Variants in TLN2 observed in about 807,000 individuals in gnomAD.
The protein encoded by TLN2 is talin 2.
In TLN2, 118 loss-of-function variants were observed where a neutral mutation model predicts 294.7. That is an observed-to-expected ratio of 0.40 (90% CI 0.34 to 0.47). TLN2 has a LOEUF of 0.47. TLN2 is among the 20% of genes least tolerant of loss of function. The pLI is 0.84. For synonymous variants in TLN2, 1,431 were observed against 1,304.5 expected (o/e 1.10, Z -2.09); for missense variants, 3,083 against 3,282.2 (o/e 0.94, Z 1.48).
intron 1 of TLN2, among the ~76,000 whole-genome samples, chr15:62,487,495 G>A (rs150850390): frequency 5.6e-4 from 86 of 152,250 alleles, no homozygotes; most frequent in Admixed American, 1.1e-3. Flanking sequence ...TTGGGCATTT[G>A]ACCTTGCTGA....
At chr15:62,464,354 A>C (rs568385458) in intron 1 of TLN2, among the ~76,000 whole-genome samples, 65 of 152,298 alleles carry the variant, frequency 4.3e-4, no homozygotes, top group African/African-American at 1.5e-3. Context: ...GTTCTCACTC[A>C]TAGGTGGGAA....
Position 62,471,792 on chromosome 15 carries a change from A to T in TLN2, c.-238+81107A>T, listed in dbSNP as rs184505643. On this transcript the variant is annotated intron_variant, in intron 1 of 58. Transcript: ENST00000636159. ...GGGTTTGAAAACTCAGGACTGTAATAAAGACACAAGACAAATTCAGTAGTC... is the reference window on the plus strand; with the variant it reads ...GGGTTTGAAAACTCAGGACTGTAATTAAGACACAAGACAAATTCAGTAGTC... Among the ~76,000 whole-genome samples the T allele has an allele frequency of 1.5e-4, 23 of 152,254 alleles. No individual in the cohort carries two copies. In the East Asian group the frequency reaches 4.1e-3, roughly 27 times the overall value.
intron 1 of TLN2, among the ~76,000 whole-genome samples, chr15:62,396,183 G>A (rs2032531504): frequency 6.6e-6 from 1 of 152,188 alleles, no homozygotes; most frequent in Non-Finnish European, 1.5e-5. Flanking sequence ...CTTGGAGAAA[G>A]ATGTGTAAGG....
At chr15:62,737,823 CG>C (rs2061109943) in intron 29 of TLN2, among the ~76,000 whole-genome samples, 1 of 152,196 alleles carries the variant, frequency 6.6e-6, no homozygotes, top group African/African-American at 2.4e-5. Context: ...CCTTCCACCT[CG>C]GCGACCTCAG....
At chr15:62,803,736 T>C in intron 50 of TLN2, among the ~76,000 whole-genome samples, 1 of 152,238 alleles carries the variant, frequency 6.6e-6, no homozygotes, top group East Asian at 1.9e-4. Flanking sequence ...CTGAGTTTCC[T>C]CAGCACAGCT....
rs571162722 is a variant in TLN2, at chr15:62,574,521, C to A, written c.-237-15166C>A. 2.1e-4 allele frequency among the ~76,000 whole-genome samples: 26 copies of A among 122,106 alleles called. 1 individual carries two copies. The highest frequency in any genetic ancestry group is 6.7e-3 in the Middle Eastern group (1 of 150). 80.1% of individuals were successfully genotyped at this position (122,106 alleles called of 152,430 possible). The stretch of plus-strand genomic sequence containing the variant: ...GTTTGAGCCCAGGTGTTTGTGGTTA[C>A]AGTGAGCTATATCGCACCACTGAAC... On this transcript the variant is annotated intron_variant, in intron 1 of 58. Transcript: ENST00000636159.
At chr15:62,613,207 A>G (rs2048056865) in intron 2 of TLN2, among the ~76,000 whole-genome samples, 1 of 152,242 alleles carries the variant, frequency 6.6e-6, no homozygotes, top group Non-Finnish European at 1.5e-5. Context: ...GATGGAATAC[A>G]TAGAATCAGG....
At chr15:62,472,879 G>A (rs1010340046) in intron 1 of TLN2, among the ~76,000 whole-genome samples, 20 of 152,332 alleles carry the variant, frequency 1.3e-4, no homozygotes, top group African/African-American at 4.8e-4. Flanking sequence ...GAGAGGCAAG[G>A]AAGCCAGGCC....
intron 1 of TLN2, among the ~76,000 whole-genome samples, chr15:62,473,339 A>G (rs1234279824): frequency 6.6e-6 from 1 of 151,590 alleles, no homozygotes; most frequent in African/African-American, 2.4e-5. Flanking sequence ...CACTAACACA[A>G]AACTGTCTTT....
chr15:62,643,649 A>G (rs2051441110), intron 3 of TLN2, among the ~76,000 whole-genome samples: 1 of 151,908 alleles, frequency 6.6e-6, no homozygotes, highest in Non-Finnish European at 1.5e-5. Flanking sequence ...CCAAGCATTG[A>G]GTATCTATCA....
intron 1 of TLN2, among the ~76,000 whole-genome samples, chr15:62,507,895 A>G (rs779218690): frequency 6.6e-6 from 1 of 152,226 alleles, no homozygotes; most frequent in Non-Finnish European, 1.5e-5. Flanking sequence ...AACGAGATTC[A>G]TAACTGTATG....
At chr15:62,511,234 T>TC (rs1338429369) in intron 1 of TLN2, among the ~76,000 whole-genome samples, 2 of 152,206 alleles carry the variant, frequency 1.3e-5, no homozygotes, top group Non-Finnish European at 2.9e-5. Context: ...TATACGGGCT[T>TC]CCGATGAGTC....
chr15:62,575,110 C>G (rs2044273711), intron 1 of TLN2, among the ~76,000 whole-genome samples: 2 of 152,040 alleles, frequency 1.3e-5, no homozygotes, highest in Non-Finnish European at 1.5e-5. Flanking sequence ...CCCAGGAGTT[C>G]AAGACCAGTC....
At chr15:62,556,028 G>A (rs1168281427) in intron 1 of TLN2, among the ~76,000 whole-genome samples, 2 of 148,346 alleles carry the variant, frequency 1.3e-5, no homozygotes, top group East Asian at 2.0e-4. Context: ...TTGACTTAAC[G>A]TTGACTTAGT....
intron 45 of TLN2, among the ~76,000 whole-genome samples, chr15:62,788,211 T>C (rs1040687783): frequency 3.3e-5 from 5 of 151,692 alleles, no homozygotes; most frequent in African/African-American, 9.7e-5. Context: ...TTCAGGAGGC[T>C]GAGGCAGGAG....
At chr15:62,654,003 G>GA (rs2052911563) in intron 7 of TLN2, among the ~76,000 whole-genome samples, 1 of 152,176 alleles carries the variant, frequency 6.6e-6, no homozygotes, top group African/African-American at 2.4e-5. Context: ...TGTAGACACT[G>GA]AAGAAGGATT....
intron 39 of TLN2, 102 bp downstream of exon 39, chr15:62,762,555 T>C (rs1204297681): frequency 3.1e-6 from 4 of 1,293,252 alleles, no homozygotes; most frequent in South Asian, 1.4e-5. Flanking sequence ...TTGTTGATCA[T>C]TATCATCTTT....
intron 1 of TLN2, among the ~76,000 whole-genome samples, chr15:62,468,927 G>C (rs902095754): frequency 1.3e-5 from 2 of 152,178 alleles, no homozygotes; most frequent in Non-Finnish European, 2.9e-5. Flanking sequence ...GTGAGCAGAA[G>C]AACACCTACG....
chr15:62,782,339 G>A (rs1228410855), intron 44 of TLN2, among the ~76,000 whole-genome samples: 1 of 152,238 alleles, frequency 6.6e-6, no homozygotes, highest in African/African-American at 2.4e-5. Flanking sequence ...GCTGAGCCCA[G>A]TCTTGTCCTT....
Sources: gnomAD v4.1 joint callset for allele counts (sites outside exome capture counted in the v4.1 genomes callset) on GRCh38, gnomAD v4.1.1 for gene constraint, MANE v1.5 for transcripts, NCBI Gene and HGNC (gene_info 2026-07-23, HGNC 2026-07-21) for gene names.